Variants in GAREM1 observed in about 807,000 individuals in gnomAD.
GAREM1 encodes GRB2 associated regulator of MAPK1 subtype 1.
GAREM1 carries 26 observed loss-of-function variants against 71.3 expected under a neutral mutation model. The observed-to-expected ratio is 0.36, with a 90% CI of 0.27 to 0.51. GAREM1 has a LOEUF of 0.51. GAREM1 is among the 20% of genes least tolerant of loss of function. The pLI, the probability that GAREM1 is intolerant of heterozygous loss-of-function variation, is 0.95. For synonymous variants in GAREM1, 440 were observed against 433.2 expected (o/e 1.02, Z -0.20); for missense variants, 1,026 against 1,103.1 (o/e 0.93, Z 0.99).
chr18:32,340,159 C>T (rs901417428), intron 2 of GAREM1, among the ~76,000 whole-genome samples: 1 of 152,186 alleles, frequency 6.6e-6, no homozygotes, highest in African/African-American at 2.4e-5. Flanking sequence ...GTGGGATGCC[C>T]TTTTCCTACT....
intron 2 of GAREM1, among the ~76,000 whole-genome samples, chr18:32,382,193 T>C (rs992917102): frequency 5.3e-5 from 8 of 152,194 alleles, no homozygotes; most frequent in Non-Finnish European, 1.0e-4. Context: ...GATAGGACTG[T>C]CCTCAAGGAG....
intron 3 of GAREM1, among the ~76,000 whole-genome samples, chr18:32,303,275 C>T (rs1003089640): frequency 6.6e-6 from 1 of 152,132 alleles, no homozygotes; most frequent in East Asian, 1.9e-4. Flanking sequence ...ATGTAGAAAG[C>T]TTCTGGATTA....
chr18:32,272,629 T>C (rs566310747), intron 4 of GAREM1, among the ~76,000 whole-genome samples: 14 of 137,576 alleles, frequency 1.0e-4, no homozygotes, highest in South Asian at 2.2e-4. Flanking sequence ...TCTGGGGTCT[T>C]TTTTTTTTTT....
intron 2 of GAREM1, among the ~76,000 whole-genome samples, chr18:32,391,129 C>T (rs1365986446): frequency 6.6e-6 from 1 of 152,090 alleles, no homozygotes; most frequent in Non-Finnish European, 1.5e-5. Flanking sequence ...ATCAGGAGAC[C>T]ATGTGGGGCT....
At chr18:32,307,103 A>G (rs1230913919) in intron 3 of GAREM1, among the ~76,000 whole-genome samples, 1 of 152,232 alleles carries the variant, frequency 6.6e-6, no homozygotes, top group African/African-American at 2.4e-5. Flanking sequence ...AGAAACCCAG[A>G]ACTAGAGTTC....
At chr18:32,412,403 TCCA>T (rs2048428924) in intron 1 of GAREM1, 1 of 1,584,212 alleles carries the variant, frequency 6.3e-7, no homozygotes, top group Admixed American at 1.7e-5. Context: ...CATTGTAGCT[TCCA>T]CCACCTCCAA....
intron 3 of GAREM1, among the ~76,000 whole-genome samples, chr18:32,293,976 C>T (rs2047114431): frequency 6.6e-6 from 1 of 152,006 alleles, no homozygotes; most frequent in Non-Finnish European, 1.5e-5. Context: ...ATTTCCATGC[C>T]AGAAATGACA....
In GAREM1 at chr18:32,315,960, T is replaced by A. The variant is rs187938298; in HGVS notation, c.263-5637A>T. On this transcript the variant is annotated intron_variant, in intron 2 of 5. Coordinates refer to ENST00000269209, the MANE Select transcript of GAREM1 (RefSeq NM_001242409.2). Reference sequence around the variant, plus strand: ...TCTCCCAACTTGGGTTCTTGTTTTTTAATTATTTTTCTATTGCGTCTGTGA... The same window carrying A: ...TCTCCCAACTTGGGTTCTTGTTTTTAAATTATTTTTCTATTGCGTCTGTGA... Among the ~76,000 whole-genome samples the A allele has an allele frequency of 5.3e-5, 8 of 152,326 alleles. No homozygotes were observed. The East Asian group carries it at 1.5e-3, about 29-fold the overall frequency.
intron 4 of GAREM1, among the ~76,000 whole-genome samples, chr18:32,274,837 C>A (rs1358852668): frequency 3.3e-5 from 5 of 151,954 alleles, no homozygotes. Flanking sequence ...TAGGGACTGC[C>A]ATTTTAGCTA....
intron 1 of GAREM1, among the ~76,000 whole-genome samples, chr18:32,414,915 G>T (rs967007738): frequency 6.6e-6 from 1 of 151,700 alleles, no homozygotes; most frequent in Non-Finnish European, 1.5e-5. Flanking sequence ...CCAATTAAAC[G>T]AAAAGTTGGC....
intron 1 of GAREM1, among the ~76,000 whole-genome samples, chr18:32,457,093 G>A (rs895016688): frequency 4.0e-5 from 6 of 150,490 alleles, no homozygotes; most frequent in African/African-American, 1.5e-4. Flanking sequence ...GGCTGGTTTG[G>A]AGGAATGGGG....
chr18:32,270,201 T>C lies in GAREM1; in HGVS notation c.1733+16A>G. The C allele has an allele frequency of 6.2e-7, 1 of 1,612,978 alleles. No homozygotes were observed. Among genetic ancestry groups the C allele is most frequent in the South Asian group, 1.1e-5 (1 of 90,660 alleles). The stretch of plus-strand genomic sequence containing the variant: ...GAGAAGATAAGCGTGCAGTGGGACC[T>C]GGCAGGAAGACTTACATGTTGTGTA... On this transcript the variant is annotated intron_variant, in intron 5 of 5. Transcript: ENST00000269209.
At chr18:32,274,868 G>A (rs913730294) in intron 4 of GAREM1, among the ~76,000 whole-genome samples, 1 of 151,882 alleles carries the variant, frequency 6.6e-6, no homozygotes, top group African/African-American at 2.4e-5. Flanking sequence ...TTACTATCCT[G>A]GGGATAGCAG....
chr18:32,316,345 T>C (rs561776732), intron 2 of GAREM1, among the ~76,000 whole-genome samples: 2 of 152,364 alleles, frequency 1.3e-5, no homozygotes, highest in Non-Finnish European at 2.9e-5. Flanking sequence ...CTCTTTTCCA[T>C]AGTGTTTTCA....
intron 1 of GAREM1, among the ~76,000 whole-genome samples, chr18:32,450,324 C>T (rs531572997): frequency 1.3e-5 from 2 of 152,068 alleles, no homozygotes; most frequent in Non-Finnish European, 2.9e-5. Context: ...TGCAAGTCAG[C>T]AATTCTGGAG....
intron 2 of GAREM1, among the ~76,000 whole-genome samples, chr18:32,354,706 T>C (rs1302021922): frequency 6.6e-6 from 1 of 152,140 alleles, no homozygotes; most frequent in Non-Finnish European, 1.5e-5. Flanking sequence ...AAAAGCGGTG[T>C]GGCTGAGGTC....
intron 2 of GAREM1, among the ~76,000 whole-genome samples, chr18:32,355,115 G>A (rs1365593289): frequency 6.6e-6 from 1 of 152,084 alleles, no homozygotes; most frequent in Non-Finnish European, 1.5e-5. Flanking sequence ...AGGGTAGCTG[G>A]TCAGGCCTAA....
chr18:32,384,307 C>T lies in GAREM1; in HGVS notation c.262+8588G>A, dbSNP rs543399345. Among the ~76,000 whole-genome samples the T allele has an allele frequency of 1.0e-3, 155 of 152,166 alleles. 1 individual carries two copies. The highest frequency in any genetic ancestry group is 2.3e-3 in the African/African-American group (94 of 41,500). ...ACAAACATTTAACACTGGAACAAAACGACCCAGTGAAAGATGAACTTTCAC... is the reference window on the plus strand; with the variant it reads ...ACAAACATTTAACACTGGAACAAAATGACCCAGTGAAAGATGAACTTTCAC... On this transcript the variant is annotated intron_variant, in intron 2 of 5. Coordinates refer to ENST00000269209, the MANE Select transcript of GAREM1 (RefSeq NM_001242409.2).
chr18:32,351,702 T>TC (rs1555637183), intron 2 of GAREM1, among the ~76,000 whole-genome samples: 3 of 95,270 alleles, frequency 3.1e-5, no homozygotes, highest in Non-Finnish European at 4.2e-5. Flanking sequence ...ACCCTCTCTC[T>TC]TTTTTTTTTT....
Sources: allele counts gnomAD v4.1 joint callset (sites outside exome capture counted in the v4.1 genomes callset), GRCh38; gene constraint gnomAD v4.1.1; transcripts MANE v1.5; gene names NCBI Gene and HGNC (gene_info 2026-07-23, HGNC 2026-07-21).